Variants in TOP1 observed in about 807,000 individuals in gnomAD.
The protein encoded by TOP1 is DNA topoisomerase 1.
In TOP1, 10 loss-of-function variants were observed where a neutral mutation model predicts 111.1. That is an observed-to-expected ratio of 0.09 (90% confidence interval 0.06 to 0.15). The LOEUF is 0.15. Among genes scored for constraint, TOP1 ranks in the 10% least tolerant of loss-of-function variants. The probability of loss-of-function intolerance (pLI) is 1.00; values close to 1 mark genes in which losing one functional copy is unlikely to be tolerated. For missense variants in TOP1, 474 were observed against 926.7 expected (o/e 0.51, Z 6.34); for synonymous variants, 271 against 302.9 (o/e 0.89, Z 1.10).
At chr20:41,064,388 C>G (rs1280391122) in intron 3 of TOP1, among the ~76,000 whole-genome samples, 1 of 152,112 alleles carries the variant, frequency 6.6e-6, no homozygotes, top group Non-Finnish European at 1.5e-5. Flanking sequence ...ACTTTGGACC[C>G]CACTCTCCTT....
At position 41,029,565 on chromosome 20, in the gene TOP1, C is replaced by T. The variant is rs1193395710; in HGVS notation, c.58+110C>T. 6 of 870,608 alleles carry T rather than the reference C, an allele frequency of 6.9e-6. No homozygotes were observed. Among genetic ancestry groups the T allele is most frequent in the Admixed American group, 2.1e-5 (1 of 47,718 alleles). 53.9% of individuals were successfully genotyped at this position (870,608 alleles called of 1,614,324 possible). ...GACATGGCGTCCCAGAGACTAAGTC[C>T]CGGCTCCTCGCTCACCGGCCCCATT... On this transcript the variant is annotated intron_variant, in intron 2 of 20. Transcript: ENST00000361337. The surrounding 1 kb of genome is among the most constrained non-coding windows in gnomAD (Gnocchi z 6.1).
At chr20:41,063,398 CAT>C (rs1297669111) in intron 3 of TOP1, among the ~76,000 whole-genome samples, 3 of 152,170 alleles carry the variant, frequency 2.0e-5, no homozygotes, top group Non-Finnish European at 4.4e-5. Flanking sequence ...CTGCAGTGAA[CAT>C]GTGTGTACAT....
chr20:41,041,611 A>T (rs997125689), intron 2 of TOP1, among the ~76,000 whole-genome samples: 2 of 152,144 alleles, frequency 1.3e-5, no homozygotes, highest in African/African-American at 4.8e-5. Flanking sequence ...TGTTTTTCTC[A>T]AGCTGATATG....
At position 41,115,284 on chromosome 20, in the gene TOP1, C is replaced by T; in HGVS notation, c.1639-87C>T. On this transcript the variant is annotated intron_variant, in intron 15 of 20. Transcript: ENST00000361337. The surrounding 1 kb of genome is among the most constrained non-coding windows in gnomAD (Gnocchi z 6.3). ...GTATGCGTGTTCCTTGTGCCTTTTT[C>T]TTTGCAAGTTTCTTTAAGTTTGGGG... is the stretch of plus-strand genomic sequence containing the variant. 1.1e-6 allele frequency: 1 copy of T among 904,684 alleles called. No homozygotes were observed. The highest frequency in any genetic ancestry group is 2.1e-5 in the Admixed American group (1 of 48,684). 56.0% of individuals were successfully genotyped at this position (904,684 alleles called of 1,614,324 possible).
chr20:41,085,595 A>C (rs1310326629), intron 8 of TOP1, among the ~76,000 whole-genome samples: 1 of 152,270 alleles, frequency 6.6e-6, no homozygotes, highest in Non-Finnish European at 1.5e-5. Flanking sequence ...CAAATGATTG[A>C]CAGATTTAAT....
At chr20:41,073,466 C>T (rs556024861) in intron 3 of TOP1, 62 of 984,854 alleles carry the variant, frequency 6.3e-5, no homozygotes, top group Non-Finnish European at 7.1e-5. Context: ...CATCTTTATT[C>T]TAGAAAGTTT....
At chr20:41,103,812 C>A (rs888891395) in intron 13 of TOP1, among the ~76,000 whole-genome samples, 16 of 152,048 alleles carry the variant, frequency 1.1e-4, no homozygotes, top group African/African-American at 3.1e-4. Flanking sequence ...TTCTCCTATT[C>A]TTTCCAGGGA....
At chr20:41,068,272 ATC>A (rs1412161484) in intron 3 of TOP1, among the ~76,000 whole-genome samples, 2 of 152,190 alleles carry the variant, frequency 1.3e-5, no homozygotes, top group Non-Finnish European at 2.9e-5. Flanking sequence ...TGAAAACTTC[ATC>A]TCTGTCTTTC....
chr20:41,044,406 G>T (rs1203078847), intron 2 of TOP1, among the ~76,000 whole-genome samples: 1 of 152,216 alleles, frequency 6.6e-6, no homozygotes, highest in Non-Finnish European at 1.5e-5. Flanking sequence ...GTAAAAATGG[G>T]ATTTGTTTGC....
intron 3 of TOP1, among the ~76,000 whole-genome samples, chr20:41,074,069 A>C (rs183836321): frequency 1.3e-5 from 2 of 152,342 alleles, no homozygotes; most frequent in African/African-American, 4.8e-5. Context: ...TTACCTATAC[A>C]TTAACTCCTG....
Position 41,097,640 on chromosome 20 carries a change from A to C in TOP1, c.852+299A>C, listed in dbSNP as rs796460512. On this transcript the variant is annotated intron_variant, in intron 10 of 20. Coordinates refer to ENST00000361337, the MANE Select transcript of TOP1 (RefSeq NM_003286.4). This position sits in a 1 kb window ranked among gnomAD's most constrained non-coding sequence, Gnocchi z 4.2. ...TGCGCACAGGAAAGTTTGTCGCTGC[A>C]GGACTGCCCCGTGTCTGCTGTTGCA... Among the ~76,000 whole-genome samples, 8 of 152,338 alleles carry C rather than the reference A, an allele frequency of 5.3e-5. No individual in the cohort carries two copies. Among genetic ancestry groups the C allele is most frequent in the African/African-American group, 1.9e-4 (8 of 41,582 alleles).
rs1273388467 is a variant in TOP1, at chr20:41,097,184, C to T, written c.731-36C>T. On this transcript the variant is annotated intron_variant, in intron 9 of 20. Transcript: ENST00000361337. The surrounding 1 kb of genome is among the most constrained non-coding windows in gnomAD (Gnocchi z 4.2). Reference sequence around the variant, plus strand: ...GGTATTTATGCTTAGAACATGAATACTATACCTCACTTTTTGGAACCACTT... The same window carrying T: ...GGTATTTATGCTTAGAACATGAATATTATACCTCACTTTTTGGAACCACTT... The T allele has an allele frequency of 6.2e-7, 1 of 1,607,504 alleles. No individual in the cohort carries two copies. The highest frequency in any genetic ancestry group is 8.5e-7 in the Non-Finnish European group (1 of 1,178,086).
intron 3 of TOP1, chr20:41,073,166 C>A (rs2033686619): frequency 2.0e-6 from 2 of 985,266 alleles, no homozygotes; most frequent in African/African-American, 3.5e-5. Flanking sequence ...CTGAAAACCG[C>A]AGGGCTACAT....
In TOP1 at chr20:41,029,119, C is replaced by G. The variant is rs980578630; in HGVS notation, c.33+19C>G. 1 of 1,491,050 alleles carries G rather than the reference C, an allele frequency of 6.7e-7. No individual in the cohort carries two copies. The highest frequency in any genetic ancestry group is 8.9e-7 in the Non-Finnish European group (1 of 1,122,142). The allele number at this position is 1,491,050 out of a possible 1,614,324, so 92.4% of individuals were successfully genotyped here. Reference sequence around the variant, plus strand: ...TTCCCAGGTACGGCCCGGCCTGACCCTGGCGGCCCCGGACCCCGGCCTGGC... The same window carrying G: ...TTCCCAGGTACGGCCCGGCCTGACCGTGGCGGCCCCGGACCCCGGCCTGGC... On this transcript the variant is annotated intron_variant, in intron 1 of 20. Transcript: ENST00000361337. The surrounding 1 kb of genome is among the most constrained non-coding windows in gnomAD (Gnocchi z 6.1).
rs1183057546 is a variant in TOP1 at position 41,067,643 on chromosome 20, G to A, written c.155+6153G>A. Among the ~76,000 whole-genome samples, 1 of 152,158 alleles carries A rather than the reference G, an allele frequency of 6.6e-6. No homozygotes were observed. Among genetic ancestry groups the A allele is most frequent in the African/African-American group, 2.4e-5 (1 of 41,424 alleles). On this transcript the variant is annotated intron_variant, in intron 3 of 20. Coordinates refer to ENST00000361337, the MANE Select transcript of TOP1 (RefSeq NM_003286.4). This position sits in a 1 kb window ranked among gnomAD's most constrained non-coding sequence, Gnocchi z 4.0. ...ATTGTAGCTAATTTTGTGGCCATTT[G>A]TTAGGAGAAAACAAGTGTTTCAGAT...
Position 41,089,020 on chromosome 20 carries a change from C to CTTTTTTTTTTTTTTTTTTTTTTTTTTTTT in TOP1, c.615-3430_615-3429insTTTTTTTTTTTTTTTTTTTTTTTTTTTTT, listed in dbSNP as rs59200685. Reference sequence around the variant, plus strand: ...TCCCCACTTCTCTGTTGCCCCAGTTCTTTTTTTTTTTTTTTTTTTTTTGAG... The same window carrying CTTTTTTTTTTTTTTTTTTTTTTTTTTTTT: ...TCCCCACTTCTCTGTTGCCCCAGTTCTTTTTTTTTTTTTTTTTTTTTTTTTTTTTTTTTTTTTTTTTTTTTTTTTTTGAG... On this transcript the variant is annotated intron_variant, in intron 8 of 20. Transcript: ENST00000361337. Among the ~76,000 whole-genome samples, 22 of 77,898 alleles carry CTTTTTTTTTTTTTTTTTTTTTTTTTTTTT rather than the reference C, an allele frequency of 2.8e-4. 5 individuals carry two copies. The highest frequency in any genetic ancestry group is 1.3e-3 in the African/African-American group (20 of 15,820). The allele number at this position is 77,898 out of a possible 152,430, so 51.1% of individuals were successfully genotyped here. A position where few individuals can be genotyped will look rare whatever the true frequency, so the allele number is the denominator to read the frequency against.
At chr20:41,054,581 T>G (rs755423379) in intron 2 of TOP1, among the ~76,000 whole-genome samples, 9 of 152,180 alleles carry the variant, frequency 5.9e-5, no homozygotes, top group Non-Finnish European at 1.2e-4. Context: ...AAACTTGAGT[T>G]GAGATAGTGT....
intron 2 of TOP1, among the ~76,000 whole-genome samples, chr20:41,060,279 A>G (rs1369559394): frequency 6.6e-6 from 1 of 152,270 alleles, no homozygotes; most frequent in Non-Finnish European, 1.5e-5. Context: ...GTGAATGGGT[A>G]AGTTACAGTA....
intron 2 of TOP1, among the ~76,000 whole-genome samples, chr20:41,057,058 G>A (rs540204276): frequency 3.9e-5 from 6 of 152,136 alleles, no homozygotes; most frequent in Non-Finnish European, 1.5e-5. Flanking sequence ...CTGAGCTCAG[G>A]AGTTCGAGAC....
Sources: gnomAD v4.1 joint callset for allele counts (sites outside exome capture counted in the v4.1 genomes callset) on GRCh38, gnomAD v4.1.1 for gene constraint, Gnocchi (gnomAD v3.1) non-coding constraint, MANE v1.5 for transcripts, NCBI Gene and HGNC (gene_info 2026-07-23, HGNC 2026-07-21) for gene names.